LMTK2: variants seen among roughly 807,000 people sequenced by gnomAD.
LMTK2 encodes lemur tail kinase 2.
In LMTK2, 37 loss-of-function variants were observed where a neutral mutation model predicts 127.5. That is an observed-to-expected ratio of 0.29 (90% confidence interval 0.22 to 0.38). The LOEUF (loss-of-function observed/expected upper bound fraction) is 0.38, where lower values mean the gene tolerates loss of function less well. LMTK2 is among the 10% of genes least tolerant of loss of function. LMTK2 has a pLI of 1.00. For missense variants in LMTK2, 1,694 were observed against 1,920.3 expected, an observed-to-expected ratio of 0.88 and a Z score of 2.20; for synonymous variants, 819 against 810.1, an observed-to-expected ratio of 1.01 and a Z score of -0.19.
At chr7:98,161,780 A>T (rs996424166) in intron 6 of LMTK2, among the ~76,000 whole-genome samples, 1 of 152,154 alleles carries the variant, frequency 6.6e-6, no homozygotes, top group Non-Finnish European at 1.5e-5. Flanking sequence ...GGACACAGAG[A>T]TGCGCCCTCA....
At chr7:98,114,236 T>C (rs570431537) in intron 1 of LMTK2, among the ~76,000 whole-genome samples, 2 of 150,398 alleles carry the variant, frequency 1.3e-5, no homozygotes. Flanking sequence ...TGTGTTTTTT[T>C]AAAGTTTTTT....
chr7:98,117,897 A>T (rs1796309687), intron 1 of LMTK2, among the ~76,000 whole-genome samples: 1 of 152,078 alleles, frequency 6.6e-6, no homozygotes, highest in Non-Finnish European at 1.5e-5. Flanking sequence ...AACCCAGGAG[A>T]TGGAAGTTGC....
chr7:98,139,478 T>C (rs371457556), intron 2 of LMTK2, among the ~76,000 whole-genome samples: 23 of 152,220 alleles, frequency 1.5e-4, no homozygotes, highest in African/African-American at 5.5e-4. Flanking sequence ...TTGGTATATC[T>C]AGTGGTACAT....
At chr7:98,115,425 G>C (rs900639489) in intron 1 of LMTK2, among the ~76,000 whole-genome samples, 1 of 151,414 alleles carries the variant, frequency 6.6e-6, no homozygotes, top group Non-Finnish European at 1.5e-5. Context: ...AAGAGAAAAA[G>C]AAAGAAGAAA....
In LMTK2 at chr7:98,203,621, C is replaced by T; in HGVS notation, c.4155C>T (p.Gly1385=). Residue 1385 remains glycine (G), a synonymous_variant, in exon 12 of 14, where the codon GGC becomes GGT. Coordinates refer to ENST00000297293, the MANE Select transcript of LMTK2 (RefSeq NM_014916.4). The stretch of plus-strand genomic sequence containing the variant: ...GGCCCTGTGGAGGAGAGGCGTGCGG[C>T]CCGGACCTGAGCGGCCCAGCCCCAG... ...ELGPCGGEAC[G]PDLSGPAPAS... 2 of 1,612,948 alleles carry T rather than the reference C, an allele frequency of 1.2e-6. No homozygotes were observed. The highest frequency in any genetic ancestry group is 1.7e-6 in the Non-Finnish European group (2 of 1,179,776).
chr7:98,179,306 CT>C (rs1261301710), intron 7 of LMTK2, among the ~76,000 whole-genome samples: 1 of 152,212 alleles, frequency 6.6e-6, no homozygotes, highest in African/African-American at 2.4e-5. Flanking sequence ...CCAAGCTAGC[CT>C]CAGGCTGCTG....
At chr7:98,134,656 G>GAA (rs58105358) in intron 1 of LMTK2, among the ~76,000 whole-genome samples, 18 of 123,852 alleles carry the variant, frequency 1.5e-4, no homozygotes, top group South Asian at 7.4e-4. Flanking sequence ...TCTCTCAATA[G>GAA]AAAAAAAAAA....
chr7:98,164,453 C>A (rs1243294200), intron 6 of LMTK2, among the ~76,000 whole-genome samples: 1 of 152,170 alleles, frequency 6.6e-6, no homozygotes, highest in Non-Finnish European at 1.5e-5. Context: ...AATCCCTTAA[C>A]CTCTTCTGTA....
At chr7:98,188,198 A>G (rs2116454123) in intron 9 of LMTK2, among the ~76,000 whole-genome samples, 1 of 151,538 alleles carries the variant, frequency 6.6e-6, no homozygotes, top group South Asian at 2.1e-4. Flanking sequence ...TCTACTCTCT[A>G]CTTCTATGAG....
At chr7:98,179,157 G>A (rs187386571) in intron 7 of LMTK2, among the ~76,000 whole-genome samples, 4 of 152,350 alleles carry the variant, frequency 2.6e-5, no homozygotes, top group Non-Finnish European at 5.9e-5. Flanking sequence ...TTCTGCAGGC[G>A]TAATTGTTCA....
At chr7:98,137,864 A>T (rs957770132) in intron 2 of LMTK2, among the ~76,000 whole-genome samples, 3 of 152,158 alleles carry the variant, frequency 2.0e-5, no homozygotes, top group Non-Finnish European at 4.4e-5. Context: ...GAGCAAGATG[A>T]TTGTTCCCCT....
At chr7:98,188,893 G>A (rs1797477735) in intron 9 of LMTK2, among the ~76,000 whole-genome samples, 1 of 152,102 alleles carries the variant, frequency 6.6e-6, no homozygotes, top group African/African-American at 2.4e-5. Flanking sequence ...TCCTTAAATA[G>A]CCTTTCTCTG....
intron 1 of LMTK2, among the ~76,000 whole-genome samples, chr7:98,123,792 T>C (rs545409125): frequency 6.6e-6 from 1 of 152,318 alleles, no homozygotes; most frequent in Admixed American, 6.5e-5. Context: ...CTTCTCTTTG[T>C]TCTTTCCATC....
chr7:98,205,121 A>G (rs1797769521), intron 13 of LMTK2, among the ~76,000 whole-genome samples: 1 of 152,240 alleles, frequency 6.6e-6, no homozygotes, highest in Non-Finnish European at 1.5e-5. Context: ...AATAATAAAT[A>G]TGGAATACAA....
chr7:98,152,930 G>A (rs1796878177), intron 4 of LMTK2, among the ~76,000 whole-genome samples: 1 of 152,148 alleles, frequency 6.6e-6, no homozygotes, highest in Non-Finnish European at 1.5e-5. Flanking sequence ...GAGAGCATGC[G>A]GGTGTAGACT....
intron 3 of LMTK2, among the ~76,000 whole-genome samples, chr7:98,149,435 T>C (rs970161616): frequency 1.3e-5 from 2 of 152,230 alleles, no homozygotes; most frequent in South Asian, 4.1e-4. Flanking sequence ...AGTCTTTTAG[T>C]GTTTCTTGGA....
At chr7:98,181,957 G>A (rs1358448395) in intron 7 of LMTK2, among the ~76,000 whole-genome samples, 1 of 152,108 alleles carries the variant, frequency 6.6e-6, no homozygotes, top group Admixed American at 6.6e-5. Context: ...GCACCCAGCC[G>A]GTCAAATGAT....
rs1797563558 is a variant in LMTK2 at position 98,193,252 on chromosome 7, A to G, written c.2787A>G (p.Pro929=). 8.7e-6 allele frequency: 14 copies of G among 1,613,650 alleles called. No homozygotes were observed. Among genetic ancestry groups the G allele is most frequent in the Non-Finnish European group, 1.2e-5 (14 of 1,180,010 alleles). ...PELGQELHNK[P]FSEDHHSHRR... is the part of the protein sequence containing the mutation. ...TGGGACAGGAATTGCACAATAAACC[A>G]TTTTCGGAAGACCATCACAGTCATC... The change falls in exon 11 of 14, where the codon CCA becomes CCG. Residue 929 remains proline (P), a synonymous_variant. Coordinates refer to ENST00000297293, the MANE Select transcript of LMTK2 (RefSeq NM_014916.4). This position sits in a 1 kb window ranked among gnomAD's most constrained non-coding sequence, Gnocchi z 4.1.
chr7:98,196,709 C>A (rs937803766), intron 11 of LMTK2, among the ~76,000 whole-genome samples: 13 of 152,142 alleles, frequency 8.5e-5, no homozygotes, highest in African/African-American at 3.1e-4. Context: ...GTTTTTCTGA[C>A]TTTAGAAGAC....
Sources: gnomAD v4.1 joint callset for allele counts (sites outside exome capture counted in the v4.1 genomes callset) on GRCh38, gnomAD v4.1.1 for gene constraint, Gnocchi (gnomAD v3.1) non-coding constraint, MANE v1.5 for transcripts, NCBI Gene and HGNC (gene_info 2026-07-23, HGNC 2026-07-21) for gene names.